JMY: variants seen among roughly 807,000 people sequenced by gnomAD.
JMY encodes the protein junction-mediating and -regulatory protein.
A neutral mutation model predicts 103.3 loss-of-function variants in JMY; 46 were observed. That is an observed-to-expected ratio of 0.45 (90% confidence interval 0.35 to 0.57). The LOEUF is 0.57. Among genes scored for constraint, JMY ranks in the 20% least tolerant of loss-of-function variants. JMY has a pLI of 0.00. For synonymous variants in JMY, 526 were observed against 489.3 expected, an observed-to-expected ratio of 1.07 and a Z score of -0.99; for missense variants, 1,238 against 1,255.2, an observed-to-expected ratio of 0.99 and a Z score of 0.21.
At chr5:79,277,836 G>T in intron 1 of JMY, 74 bp from the exon 2 acceptor site, 3 of 1,372,302 alleles carry the variant, frequency 2.2e-6, no homozygotes, top group East Asian at 2.3e-5. Flanking sequence ...TGGCATGATA[G>T]GGAGAGTTCA....
chr5:79,246,515 A>G (rs1458344307), intron 1 of JMY, among the ~76,000 whole-genome samples: 5 of 152,146 alleles, frequency 3.3e-5, no homozygotes, highest in African/African-American at 7.2e-5. Context: ...ATTTTGGGCA[A>G]GTTACCTGAT....
In JMY at chr5:79,237,662, G is replaced by A; in HGVS notation, c.1012G>A (p.Ala338Thr). The A allele has an allele frequency of 1.2e-6, 2 of 1,612,952 alleles. No homozygotes were observed. Among genetic ancestry groups the A allele is most frequent in the Non-Finnish European group, 1.7e-6 (2 of 1,179,404 alleles). The change falls in exon 1 of 11, where the codon GCC becomes ACC. Residue 338 changes from alanine to threonine, a missense_variant. Ala to Thr is a moderately conservative substitution (Grantham distance 58, BLOSUM62 0). Coordinates refer to ENST00000396137, the MANE Select transcript of JMY (RefSeq NM_152405.5). ...QKGYEEVLQR[A>T]RKRIQELLDK... ...GGGCTACGAAGAAGTGCTTCAGCGG[G>A]CCAGGAAGCGCATCCAGGAGGTGAG...
At chr5:79,262,292 C>CT (rs1453065355) in intron 1 of JMY, among the ~76,000 whole-genome samples, 1 of 152,190 alleles carries the variant, frequency 6.6e-6, no homozygotes, top group East Asian at 1.9e-4. Flanking sequence ...AATAATTCGA[C>CT]TTTCTTTATA....
chr5:79,268,513 C>T (rs1057372774), intron 1 of JMY, among the ~76,000 whole-genome samples: 10 of 151,772 alleles, frequency 6.6e-5, no homozygotes, highest in African/African-American at 1.9e-4. Context: ...CTTGAGATGG[C>T]GTCTCGCTCT....
At chr5:79,258,755 G>A (rs1415330609) in intron 1 of JMY, among the ~76,000 whole-genome samples, 6 of 152,266 alleles carry the variant, frequency 3.9e-5, no homozygotes, top group Middle Eastern at 3.4e-3. Flanking sequence ...GAACTGCAGC[G>A]CCTTAAAGAG....
At chr5:79,262,645 T>A (rs534227863) in intron 1 of JMY, among the ~76,000 whole-genome samples, 2 of 152,220 alleles carry the variant, frequency 1.3e-5, no homozygotes, top group Admixed American at 6.5e-5. Flanking sequence ...AAATTGTTTT[T>A]AAGGTAGTCT....
intron 1 of JMY, among the ~76,000 whole-genome samples, chr5:79,268,949 A>G (rs1451414813): frequency 1.3e-5 from 2 of 152,064 alleles, no homozygotes; most frequent in Admixed American, 6.5e-5. Flanking sequence ...TTTTTTCTCC[A>G]TCTGTAGCCT....
At chr5:79,261,658 C>A (rs903615972) in intron 1 of JMY, among the ~76,000 whole-genome samples, 1 of 152,170 alleles carries the variant, frequency 6.6e-6, no homozygotes, top group South Asian at 2.1e-4. Context: ...AGTAACCTGC[C>A]CTTTCCCCTT....
intron 10 of JMY, among the ~76,000 whole-genome samples, chr5:79,320,683 A>G (rs1025018680): frequency 2.6e-5 from 4 of 152,186 alleles, no homozygotes; most frequent in African/African-American, 9.7e-5. Context: ...TGTAATTTTA[A>G]AATGTCCAAT....
At chr5:79,266,257 G>T (rs1006770886) in intron 1 of JMY, among the ~76,000 whole-genome samples, 1 of 152,226 alleles carries the variant, frequency 6.6e-6, no homozygotes, top group South Asian at 2.1e-4. Flanking sequence ...AAGCAGAGAC[G>T]ATGTCTGTTT....
intron 1 of JMY, among the ~76,000 whole-genome samples, chr5:79,256,372 C>T (rs1396148628): frequency 6.6e-6 from 1 of 151,948 alleles, no homozygotes; most frequent in East Asian, 1.9e-4. Flanking sequence ...AAATGCCATC[C>T]AAGAGTCAAG....
At chr5:79,263,387 AG>A (rs763661614) in intron 1 of JMY, among the ~76,000 whole-genome samples, 19 of 152,158 alleles carry the variant, frequency 1.2e-4, no homozygotes, top group Non-Finnish European at 2.6e-4. Context: ...TGTTACAAAC[AG>A]GTTTTTTGAT....
chr5:79,247,757 A>T (rs922873808), intron 1 of JMY, among the ~76,000 whole-genome samples: 1 of 151,398 alleles, frequency 6.6e-6, no homozygotes. Flanking sequence ...GGTTCAAGCA[A>T]TTCTCCTGCC....
chr5:79,236,385 G>T lies in JMY; in HGVS notation c.-266G>T. 1 of 307,864 alleles carries T rather than the reference G, an allele frequency of 3.2e-6. No homozygotes were observed. The highest frequency in any genetic ancestry group is 6.0e-6 in the Non-Finnish European group (1 of 167,768). 19.1% of individuals were successfully genotyped at this position (307,864 alleles called of 1,614,324 possible). ...GGCCGCGAGGCGCTGCGGCAGCGCG[G>T]AGCTTGTAAACAGATCCGGCCGCAG... On this transcript the variant is annotated 5_prime_UTR_variant, in exon 1 of 11. Transcript: ENST00000396137.
At chr5:79,303,446 T>C (rs1392286859) in intron 6 of JMY, among the ~76,000 whole-genome samples, 1 of 152,042 alleles carries the variant, frequency 6.6e-6, no homozygotes. Flanking sequence ...GCAGGATAGA[T>C]ACATAGTTTG....
At chr5:79,277,779 A>C in intron 1 of JMY, 131 bp from the exon 2 acceptor site, 5 of 656,540 alleles carry the variant, frequency 7.6e-6, no homozygotes, top group Non-Finnish European at 1.2e-5. Context: ...AAAGCAGTCA[A>C]TGCTTTTCAT....
At position 79,304,283 on chromosome 5, in the gene JMY, G is replaced by T. The variant is rs374225324; in HGVS notation, c.1882-2092G>T. On this transcript the variant is annotated intron_variant, in intron 6 of 10. Coordinates refer to ENST00000396137, the MANE Select transcript of JMY (RefSeq NM_152405.5). ...AAAACACTAAGTCCTAAAAAGAAAA[G>T]CTACTGAGAAGATCAAATATACAAG... Among the ~76,000 whole-genome samples the T allele has an allele frequency of 1.3e-4, 20 of 152,224 alleles. 1 individual carries two copies. Among genetic ancestry groups the T allele is most frequent in the Admixed American group, 5.9e-4 (9 of 15,274 alleles).
chr5:79,323,790 T>C lies in JMY; in HGVS notation c.*2188T>C, dbSNP rs1747539211. On this transcript the variant is annotated 3_prime_UTR_variant, in exon 11 of 11. Coordinates refer to ENST00000396137, the MANE Select transcript of JMY (RefSeq NM_152405.5). ...TTATACATATGTCCTGTGGTCTGTCTTCCAGAGTGTGCTGTAATCATAAGT... is the reference window on the plus strand; with the variant it reads ...TTATACATATGTCCTGTGGTCTGTCCTCCAGAGTGTGCTGTAATCATAAGT... The C allele has an allele frequency of 6.6e-6, 1 of 152,224 alleles. No individual in the cohort carries two copies. The highest frequency in any genetic ancestry group is 1.5e-5 in the Non-Finnish European group (1 of 68,040). The allele number at this position is 152,224 out of a possible 1,614,324, so 9.4% of individuals were successfully genotyped here.
intron 1 of JMY, among the ~76,000 whole-genome samples, chr5:79,259,800 C>T (rs922615431): frequency 5.9e-5 from 9 of 152,348 alleles, no homozygotes; most frequent in Non-Finnish European, 1.3e-4. Flanking sequence ...GAGCAGACAC[C>T]TCCGAGCCTG....
Sources: gnomAD v4.1 joint callset for allele counts (sites outside exome capture counted in the v4.1 genomes callset) on GRCh38, gnomAD v4.1.1 for gene constraint, MANE v1.5 for transcripts, NCBI Gene and HGNC (gene_info 2026-07-23, HGNC 2026-07-21) for gene names.